EPHB1: variants seen among roughly 807,000 people sequenced by gnomAD.
EPHB1 encodes the protein ephrin type-B receptor 1.
In EPHB1, 30 loss-of-function variants were observed where a neutral mutation model predicts 94.4. The ratio of observed to expected loss-of-function variants is 0.32; its 90% confidence interval spans 0.24 to 0.43. The LOEUF (loss-of-function observed/expected upper bound fraction) is 0.43. Among genes scored for constraint, EPHB1 ranks in the 20% least tolerant of loss-of-function variants. The pLI is 1.00. For synonymous variants in EPHB1, 522 were observed against 489.1 expected, an observed-to-expected ratio of 1.07 and a Z score of -0.89; for missense variants, 1,055 against 1,308.3, an observed-to-expected ratio of 0.81 and a Z score of 2.99.
At chr3:135,133,738 T>A (rs1940511346) in intron 5 of EPHB1, among the ~76,000 whole-genome samples, 1 of 152,198 alleles carries the variant, frequency 6.6e-6, no homozygotes, top group Non-Finnish European at 1.5e-5. Flanking sequence ...TCAGAACACA[T>A]TTTCTTCCTC....
chr3:134,797,367 G>A (rs1373175422), intron 1 of EPHB1, among the ~76,000 whole-genome samples: 1 of 152,154 alleles, frequency 6.6e-6, no homozygotes, highest in Non-Finnish European at 1.5e-5. Context: ...CCCCCAAACC[G>A]GGCAGGAAAG....
At chr3:135,028,298 T>C (rs7430112) in intron 3 of EPHB1, among the ~76,000 whole-genome samples, 44,464 of 130,806 alleles carry the variant, frequency 0.34, 8,492 homozygotes, top group Non-Finnish European at 0.39. Context: ...GCTTTTCTAG[T>C]TCTTTTAATT....
chr3:134,958,305 G>C (rs1478594301), intron 3 of EPHB1, among the ~76,000 whole-genome samples: 2 of 152,166 alleles, frequency 1.3e-5, no homozygotes, highest in African/African-American at 4.8e-5. Context: ...TGGAAAAAGA[G>C]GTTTTCGGGG....
intron 1 of EPHB1, among the ~76,000 whole-genome samples, chr3:134,806,447 G>T (rs1259931469): frequency 1.3e-5 from 2 of 152,186 alleles, no homozygotes; most frequent in Non-Finnish European, 2.9e-5. Context: ...GAATGAAAAA[G>T]TCTTCAGTTT....
chr3:135,011,722 G>C (rs1335803458), intron 3 of EPHB1, among the ~76,000 whole-genome samples: 2 of 152,114 alleles, frequency 1.3e-5, no homozygotes, highest in Non-Finnish European at 2.9e-5. Flanking sequence ...ATTACTGCAG[G>C]GCCTCTCAGG....
chr3:135,170,252 A>G (rs1941767483), intron 9 of EPHB1, among the ~76,000 whole-genome samples: 1 of 152,216 alleles, frequency 6.6e-6, no homozygotes, highest in Admixed American at 6.5e-5. Flanking sequence ...AAGAAATGAC[A>G]GAAATGTTTG....
intron 1 of EPHB1, among the ~76,000 whole-genome samples, chr3:134,826,251 C>CAAAAAA (rs34084951): frequency 0.094 from 11,103 of 118,322 alleles, 673 homozygotes; most frequent in African/African-American, 0.15. Flanking sequence ...GACTCCATCT[C>CAAAAAA]AAAAAAAAAA....
chr3:135,183,642 G>A (rs757595164), intron 10 of EPHB1, among the ~76,000 whole-genome samples: 1 of 152,192 alleles, frequency 6.6e-6, no homozygotes, highest in Admixed American at 6.5e-5. Flanking sequence ...GTGTAGCCCT[G>A]GAGATGGGAG....
intron 1 of EPHB1, among the ~76,000 whole-genome samples, chr3:134,841,978 T>C (rs927071225): frequency 1.2e-4 from 19 of 152,138 alleles, no homozygotes; most frequent in Admixed American, 3.9e-4. Context: ...CCCCACACAT[T>C]GTTGCAGTGG....
intron 3 of EPHB1, among the ~76,000 whole-genome samples, chr3:135,022,204 TTG>T (rs1165020195): frequency 5.3e-5 from 8 of 152,166 alleles, no homozygotes; most frequent in African/African-American, 1.9e-4. Context: ...TCTCCTGACC[TTG>T]TGATCCCCCT....
intron 3 of EPHB1, among the ~76,000 whole-genome samples, chr3:134,983,488 C>T (rs979260961): frequency 1.3e-5 from 2 of 152,208 alleles, no homozygotes; most frequent in Admixed American, 1.3e-4. Context: ...TCAGACTCAT[C>T]CGCTGGCCAG....
intron 3 of EPHB1, among the ~76,000 whole-genome samples, chr3:135,078,885 G>A (rs1466487564): frequency 6.6e-6 from 1 of 152,160 alleles, no homozygotes; most frequent in East Asian, 1.9e-4. Context: ...AACTTGGCAG[G>A]CTCATGCCCT....
rs190621274 is a variant in EPHB1, at chr3:135,018,993, G to T, written c.805+66941G>T. Among the ~76,000 whole-genome samples the T allele has an allele frequency of 9.9e-5, 15 of 151,972 alleles. No homozygotes were observed. In the East Asian group the frequency reaches 1.9e-3, roughly 20 times the overall value. On this transcript the variant is annotated intron_variant, in intron 3 of 15. Transcript: ENST00000398015. ...GAGGCATGAGGCAGAGAGGACAGGG[G>T]AGAGAGGGAGCATCAGGGAAGTCTG...
At chr3:135,060,103 C>T (rs974289922) in intron 3 of EPHB1, among the ~76,000 whole-genome samples, 5 of 152,176 alleles carry the variant, frequency 3.3e-5, no homozygotes, top group African/African-American at 2.4e-5. Context: ...CACAAAGCTG[C>T]GCAATCATTA....
At chr3:135,192,237 A>T (rs1046500077) in intron 10 of EPHB1, among the ~76,000 whole-genome samples, 1 of 70,130 alleles carries the variant, frequency 1.4e-5, no homozygotes, top group Non-Finnish European at 3.0e-5. Flanking sequence ...ATCCTGCCAA[A>T]GTGAAACTGA....
intron 2 of EPHB1, among the ~76,000 whole-genome samples, chr3:134,946,251 G>A (rs1200345757): frequency 1.4e-4 from 21 of 152,162 alleles, no homozygotes; most frequent in African/African-American, 9.7e-5. Context: ...TTAAAAGCTC[G>A]GCTCTGATCG....
At chr3:134,987,946 T>A (rs1187675867) in intron 3 of EPHB1, among the ~76,000 whole-genome samples, 1 of 152,232 alleles carries the variant, frequency 6.6e-6, no homozygotes, top group Non-Finnish European at 1.5e-5. Context: ...GACTGGTATT[T>A]TTTTTAATGG....
intron 15 of EPHB1, among the ~76,000 whole-genome samples, chr3:135,251,974 T>C (rs1292576140): frequency 1.3e-5 from 2 of 152,172 alleles, no homozygotes; most frequent in African/African-American, 4.8e-5. Context: ...TGTGTGACCT[T>C]GAGCACATTA....
At chr3:135,198,656 C>A (rs1433358669) in intron 11 of EPHB1, among the ~76,000 whole-genome samples, 2 of 152,162 alleles carry the variant, frequency 1.3e-5, no homozygotes, top group Admixed American at 6.5e-5. Context: ...GTCTCTCTCA[C>A]CACACTCATC....
Sources: allele counts gnomAD v4.1 joint callset (sites outside exome capture counted in the v4.1 genomes callset), GRCh38; gene constraint gnomAD v4.1.1; transcripts MANE v1.5; gene names NCBI Gene and HGNC (gene_info 2026-07-23, HGNC 2026-07-21).